Variants in SYNDIG1L observed in about 807,000 individuals in gnomAD.
SYNDIG1L encodes the protein synapse differentiation-inducing gene protein 1-like.
In SYNDIG1L, 13 loss-of-function variants were observed where a neutral mutation model predicts 20.1. That is an observed-to-expected ratio of 0.65 (90% CI 0.42 to 1.03). The LOEUF is 1.03. Ranked by LOEUF, SYNDIG1L falls within the 50% of genes least tolerant of loss-of-function variation. The probability of loss-of-function intolerance (pLI) is 0.00; values close to 1 mark genes in which losing one functional copy is unlikely to be tolerated. For missense variants in SYNDIG1L, 294 were observed against 305.1 expected, an observed-to-expected ratio of 0.96 and a Z score of 0.27; for synonymous variants, 128 against 129.3, an observed-to-expected ratio of 0.99 and a Z score of 0.07.
chr14:74,416,713 C>T (rs1351980806), intron 1 of SYNDIG1L, among the ~76,000 whole-genome samples: 1 of 152,034 alleles, frequency 6.6e-6, no homozygotes, highest in Non-Finnish European at 1.5e-5. Context: ...TGCAAATAAG[C>T]AATGAAACTT....
Position 74,407,569 on chromosome 14 carries a change from A to C in SYNDIG1L, c.683T>G (p.Leu228Arg), listed in dbSNP as rs1031713422. The C allele has an allele frequency of 1.5e-5, 24 of 1,613,968 alleles. No homozygotes were observed. The highest frequency in any genetic ancestry group is 2.0e-5 in the Non-Finnish European group (24 of 1,179,982). ...ACCGTTCTGGGACATGTAAGCTGCCAGAGCCACCACCACAGCCACGTAGAG... is the reference window on the plus strand; with the variant it reads ...ACCGTTCTGGGACATGTAAGCTGCCCGAGCCACCACCACAGCCACGTAGAG... ...AGLYVAVVVA[L>R]AAYMSQNGHG The change falls in exon 4 of 4, where the codon CTG becomes CGG. Residue 228 changes from leucine to arginine, a missense_variant. Physicochemically the swap from Leu to Arg is moderately radical, Grantham distance 102. Transcript: ENST00000331628.
chr14:74,476,732 C>A, the SYNDIG1L span: 1 of 627,298 alleles, frequency 1.6e-6, no homozygotes, highest in Non-Finnish European at 2.8e-6. Context: ...ACCCTCCCCT[C>A]CACCCCTTTT....
chr14:74,435,420 T>A, the SYNDIG1L span, among the ~76,000 whole-genome samples: 3 of 152,214 alleles, frequency 2.0e-5, no homozygotes, highest in Non-Finnish European at 4.4e-5. Flanking sequence ...TTCAAGAATC[T>A]TCTGTAGAAT....
chr14:74,453,002 C>G, the SYNDIG1L span, among the ~76,000 whole-genome samples: 1 of 152,116 alleles, frequency 6.6e-6, no homozygotes, highest in Non-Finnish European at 1.5e-5. Flanking sequence ...CAGTATTACT[C>G]CATTTTTATA....
At chr14:74,411,455 C>T (rs143749676) in intron 1 of SYNDIG1L, among the ~76,000 whole-genome samples, 1 of 152,292 alleles carries the variant, frequency 6.6e-6, no homozygotes, top group African/African-American at 2.4e-5. Flanking sequence ...TCCTTCTGCT[C>T]CCAGGGCTGC....
upstream of SYNDIG1L, among the ~76,000 whole-genome samples, chr14:74,428,976 C>T (rs76987580): frequency 4.2e-3 from 640 of 152,294 alleles, 6 homozygotes; most frequent in African/African-American, 0.015. Flanking sequence ...GAGCAAACTG[C>T]TTACCTTGGG....
chr14:74,453,252 C>T, the SYNDIG1L span, among the ~76,000 whole-genome samples: 12 of 147,242 alleles, frequency 8.1e-5, no homozygotes, highest in Admixed American at 5.5e-4. Context: ...GAGGCTGAAG[C>T]TGAGGTAGGA....
chr14:74,429,599 C>G (rs905741340), upstream of SYNDIG1L, among the ~76,000 whole-genome samples: 4 of 152,214 alleles, frequency 2.6e-5, no homozygotes, highest in Non-Finnish European at 5.9e-5. Flanking sequence ...AGCCCTCTAC[C>G]TCGGAGTTGA....
chr14:74,476,034 C>T, the SYNDIG1L span, among the ~76,000 whole-genome samples: 1 of 152,194 alleles, frequency 6.6e-6, no homozygotes, highest in African/African-American at 2.4e-5. Context: ...AATCATCTTA[C>T]CACTAAACAC....
At chr14:74,472,351 G>A in the SYNDIG1L span, 1 of 152,110 alleles carries the variant, frequency 6.6e-6, no homozygotes, top group African/African-American at 2.4e-5. Context: ...CCTTATTTTT[G>A]CATTTGGCAT....
chr14:74,440,525 A>C, the SYNDIG1L span, among the ~76,000 whole-genome samples: 4,981 of 150,562 alleles, frequency 0.033, 112 homozygotes, highest in African/African-American at 0.045. Context: ...ATAAAAAAAA[A>C]AAAAAAAAAA....
the SYNDIG1L span, among the ~76,000 whole-genome samples, chr14:74,464,064 C>G: frequency 6.6e-6 from 1 of 152,166 alleles, no homozygotes; most frequent in South Asian, 2.1e-4. Context: ...CCGTGGCAAC[C>G]CTTGGGCTGC....
At chr14:74,432,106 C>T in the SYNDIG1L span, among the ~76,000 whole-genome samples, 1 of 151,714 alleles carries the variant, frequency 6.6e-6, no homozygotes, top group East Asian at 1.9e-4. Flanking sequence ...AGAACACCCA[C>T]TCCCAAGGAC....
At chr14:74,424,674 A>G (rs1360347489) in intron 1 of SYNDIG1L, among the ~76,000 whole-genome samples, 1 of 152,164 alleles carries the variant, frequency 6.6e-6, no homozygotes, top group Non-Finnish European at 1.5e-5. Context: ...CCAAGGACAA[A>G]GGGAGACATG....
chr14:74,432,650 G>A, the SYNDIG1L span, among the ~76,000 whole-genome samples: 1 of 152,222 alleles, frequency 6.6e-6, no homozygotes, highest in South Asian at 2.1e-4. Context: ...GAGGTCAGGA[G>A]TTCGAGACCA....
At chr14:74,409,182 A>T in intron 2 of SYNDIG1L, 146 bp downstream of exon 2, 1 of 503,038 alleles carries the variant, frequency 2.0e-6, no homozygotes, top group Non-Finnish European at 3.4e-6. Context: ...GGGCTCAAGC[A>T]ATCCTCTCAC....
chr14:74,440,936 A>G, the SYNDIG1L span, among the ~76,000 whole-genome samples: 2 of 152,152 alleles, frequency 1.3e-5, no homozygotes, highest in Non-Finnish European at 2.9e-5. Flanking sequence ...GGACCTTGTA[A>G]TTTTGGATAA....
At chr14:74,429,851 A>G (rs544640858), upstream of SYNDIG1L, among the ~76,000 whole-genome samples, 4 of 152,348 alleles carry the variant, frequency 2.6e-5, no homozygotes, top group East Asian at 7.7e-4. Context: ...ACTGCTTCTG[A>G]GTCAGGCCCT....
the SYNDIG1L span, among the ~76,000 whole-genome samples, chr14:74,470,382 G>C: frequency 6.4e-4 from 97 of 152,250 alleles, 2 homozygotes; most frequent in East Asian, 0.017. Flanking sequence ...TCTAAGAGCT[G>C]CTCCTGGGGT....
Sources: gnomAD v4.1 joint callset for allele counts (sites outside exome capture counted in the v4.1 genomes callset) on GRCh38, gnomAD v4.1.1 for gene constraint, MANE v1.5 for transcripts, NCBI Gene and HGNC (gene_info 2026-07-23, HGNC 2026-07-21) for gene names.